The following ST7 variants were observed in gnomAD, a reference collection of about 807,000 sequenced individuals.
ST7 encodes suppressor of tumorigenicity 7 protein.
ST7 carries 28 observed loss-of-function variants against 78.7 expected under a neutral mutation model. The ratio of observed to expected loss-of-function variants is 0.36; its 90% CI spans 0.26 to 0.49. ST7 has a LOEUF of 0.49. ST7 is among the 20% of genes least tolerant of loss of function. The pLI is 0.99. For synonymous variants in ST7, 247 were observed against 249.6 expected, an observed-to-expected ratio of 0.99 and a Z score of 0.10; for missense variants, 418 against 696.0, an observed-to-expected ratio of 0.60 and a Z score of 4.49.
At chr7:117,097,908 A>ATATATATATATATTTTTTTTTTTT in intron 1 of ST7, among the ~76,000 whole-genome samples, 1 of 30,010 alleles carries the variant, frequency 3.3e-5, no homozygotes, top group African/African-American at 1.6e-4. Context: ...ATATATATAT[A>ATATATATATATATTTTTTTTTTTT]TTTTTTTTTT....
At chr7:117,167,475 G>T (rs1233079297) in intron 9 of ST7, among the ~76,000 whole-genome samples, 1 of 151,856 alleles carries the variant, frequency 6.6e-6, no homozygotes, top group East Asian at 1.9e-4. Context: ...AGGTTTGAAG[G>T]GTTGGCCTGG....
Position 116,989,568 on chromosome 7 carries a change from C to T in ST7, c.151+35877C>T, listed in dbSNP as rs1222578474. 2.6e-5 allele frequency among the ~76,000 whole-genome samples: 4 copies of T among 151,252 alleles called. No individual in the cohort carries two copies. The East Asian group carries it at 7.7e-4, about 29-fold the overall frequency. On this transcript the variant is annotated intron_variant, in intron 1 of 15. Coordinates refer to ENST00000323984, the MANE Select transcript of ST7 (RefSeq NM_001369598.1). ...TGTCAGTATTTTGTTAGAAATTTTC[C>T]TCAAATGAGGCTGTAATCCCAGCAC...
At chr7:117,153,935 A>G (rs1303069596) in intron 9 of ST7, among the ~76,000 whole-genome samples, 2 of 152,188 alleles carry the variant, frequency 1.3e-5, no homozygotes. Context: ...GTGGATGGGA[A>G]AATACTGAAA....
At chr7:117,134,540 A>G (rs1804625474) in intron 7 of ST7, among the ~76,000 whole-genome samples, 1 of 152,056 alleles carries the variant, frequency 6.6e-6, no homozygotes, top group Non-Finnish European at 1.5e-5. Flanking sequence ...AAAGCAAGCA[A>G]GCTAGCCCCA....
At chr7:116,972,630 A>G (rs928443950) in intron 1 of ST7, 2 of 1,288,036 alleles carry the variant, frequency 1.6e-6, no homozygotes, top group Non-Finnish European at 2.2e-6. Flanking sequence ...GCTGGTTTTC[A>G]ATAAACTTCA....
intron 4 of ST7, 106 bp downstream of exon 4, chr7:117,129,953 T>C (rs1446252450): frequency 6.5e-6 from 5 of 767,470 alleles, no homozygotes; most frequent in Non-Finnish European, 1.1e-5. Flanking sequence ...ACAGTCTATG[T>C]AGTGCGTCCA....
intron 12 of ST7, among the ~76,000 whole-genome samples, chr7:117,200,818 CT>C (rs5886845): frequency 0.18 from 25,557 of 141,506 alleles, 3,866 homozygotes; most frequent in East Asian, 0.47. Flanking sequence ...AAAATGTACT[CT>C]TTTTTTTTTT....
intron 9 of ST7, among the ~76,000 whole-genome samples, chr7:117,167,321 T>C (rs921736938): frequency 4.0e-5 from 6 of 148,300 alleles, no homozygotes; most frequent in Admixed American, 1.4e-4. Flanking sequence ...ACAGCTTTCA[T>C]TGAATGTAAT....
At chr7:117,193,629 C>G (rs898246250) in intron 12 of ST7, among the ~76,000 whole-genome samples, 4 of 152,232 alleles carry the variant, frequency 2.6e-5, no homozygotes, top group African/African-American at 9.6e-5. Flanking sequence ...TAGGCTTGGA[C>G]TCTTCAAATG....
At chr7:117,019,045 TA>T (rs1463432291) in intron 1 of ST7, among the ~76,000 whole-genome samples, 2 of 152,206 alleles carry the variant, frequency 1.3e-5, no homozygotes, top group African/African-American at 4.8e-5. Context: ...GTTAAAGTAA[TA>T]TGTGGTTCCA....
intron 1 of ST7, among the ~76,000 whole-genome samples, chr7:117,062,552 G>A (rs928618495): frequency 6.6e-6 from 1 of 152,200 alleles, no homozygotes; most frequent in African/African-American, 2.4e-5. Flanking sequence ...AGAATGCTAA[G>A]CAGCAGTAGC....
chr7:116,976,020 G>A (rs1269977564), intron 1 of ST7, among the ~76,000 whole-genome samples: 1 of 152,002 alleles, frequency 6.6e-6, no homozygotes, highest in East Asian at 1.9e-4. Flanking sequence ...CAGCACTTTG[G>A]GAGGCCGAGG....
intron 1 of ST7, chr7:116,956,437 C>G (rs1294536622): frequency 2.1e-6 from 1 of 470,764 alleles, no homozygotes; most frequent in Non-Finnish European, 4.4e-6. Flanking sequence ...GTGGTGCTTA[C>G]TCTTCCTGTG....
At chr7:116,989,514 T>G (rs1015082825) in intron 1 of ST7, among the ~76,000 whole-genome samples, 9 of 143,678 alleles carry the variant, frequency 6.3e-5, no homozygotes, top group African/African-American at 1.5e-4. Flanking sequence ...TCTCTCTGAG[T>G]TTTTTTTTTT....
rs180990757 is a variant in ST7, at chr7:116,996,242, C to T, written c.151+42551C>T. On this transcript the variant is annotated intron_variant, in intron 1 of 15. Coordinates refer to ENST00000323984, the MANE Select transcript of ST7 (RefSeq NM_001369598.1). ...GACTACAGGCATGTGCCACCACACC[C>T]GGCTAATTTTTTGTATTTTTAGTAG... Among the ~76,000 whole-genome samples, 83 of 152,200 alleles carry T rather than the reference C, an allele frequency of 5.5e-4. 1 individual carries two copies. The highest frequency in any genetic ancestry group is 1.6e-3 in the African/African-American group (68 of 41,538).
intron 9 of ST7, among the ~76,000 whole-genome samples, chr7:117,147,326 G>A (rs1426592828): frequency 6.6e-6 from 1 of 152,096 alleles, no homozygotes; most frequent in African/African-American, 2.4e-5. Flanking sequence ...ATTAGGCTGT[G>A]GGATTATATA....
intron 10 of ST7, among the ~76,000 whole-genome samples, chr7:117,178,841 A>G (rs1363785169): frequency 6.6e-6 from 1 of 152,214 alleles, no homozygotes; most frequent in Non-Finnish European, 1.5e-5. Flanking sequence ...TTCCAAGATT[A>G]TTGAATTAAA....
chr7:117,011,890 G>C (rs1048501988), intron 1 of ST7, among the ~76,000 whole-genome samples: 1 of 152,160 alleles, frequency 6.6e-6, no homozygotes, highest in African/African-American at 2.4e-5. Context: ...TGAGAGGTGG[G>C]TGGAGGGATC....
chr7:117,163,492 T>C (rs193101137), intron 9 of ST7, among the ~76,000 whole-genome samples: 288 of 152,300 alleles, frequency 1.9e-3, no homozygotes, highest in Non-Finnish European at 2.6e-3. Context: ...CCATTCTAAC[T>C]GGGAGGAGAT....
Sources: allele counts gnomAD v4.1 joint callset (sites outside exome capture counted in the v4.1 genomes callset), GRCh38; gene constraint gnomAD v4.1.1; transcripts MANE v1.5; gene names NCBI Gene and HGNC (gene_info 2026-07-23, HGNC 2026-07-21).